SH2D3C: variants seen among roughly 807,000 people sequenced by gnomAD.
The protein encoded by SH2D3C is SH2 domain-containing protein 3C.
In SH2D3C, 25 loss-of-function variants were observed where a neutral mutation model predicts 75.2. That is an observed-to-expected ratio of 0.33 (90% CI 0.24 to 0.46). SH2D3C has a LOEUF of 0.46. Among genes scored for constraint, SH2D3C ranks in the 20% least tolerant of loss-of-function variants. The pLI is 1.00. For missense variants in SH2D3C, 933 were observed against 1,165.3 expected (o/e 0.80, Z 2.90); for synonymous variants, 450 against 473.7 (o/e 0.95, Z 0.65).
intron 2 of SH2D3C, chr9:127,771,423 G>C: frequency 7.9e-7 from 1 of 1,269,218 alleles, no homozygotes; most frequent in Non-Finnish European, 1.0e-6. Context: ...CGGCAGGGAA[G>C]GACGCTCTCC....
At position 127,744,923 on chromosome 9, in the gene SH2D3C, A is replaced by G. The variant is rs1844977957; in HGVS notation, c.1441T>C (p.Ser481Pro). Reference sequence around the variant, plus strand: ...TCACTGTAGCTGCTGAGTGATGGTGACGGGGAGGCCTTGCCAAGGGTGTGG... The same window carrying G: ...TCACTGTAGCTGCTGAGTGATGGTGGCGGGGAGGCCTTGCCAAGGGTGTGG... ...PSHTLGKASPSPSLSSYSDPD... is the reference protein window; with the variant it reads ...PSHTLGKASPPPSLSSYSDPD... Residue 481 changes from serine to proline, a missense_variant, in exon 7 of 12, where the codon TCA (serine) becomes CCA (proline). By Grantham distance (74) the Ser-to-Pro change is moderately conservative. Transcript: ENST00000314830. 2 of 1,600,006 alleles carry G rather than the reference A, an allele frequency of 1.3e-6. No individual in the cohort carries two copies. The highest frequency in any genetic ancestry group is 1.3e-5 in the African/African-American group (1 of 74,550).
At chr9:127,757,149 G>T (rs949064109) in intron 3 of SH2D3C, among the ~76,000 whole-genome samples, 1 of 149,392 alleles carries the variant, frequency 6.7e-6, no homozygotes, top group African/African-American at 2.5e-5. Context: ...CACCATGTTG[G>T]CCAGGCTGGT....
rs1272485957 is a variant in SH2D3C at position 127,754,059 on chromosome 9, G to A, written c.556-2759C>T. On this transcript the variant is annotated intron_variant, in intron 3 of 11. Coordinates refer to ENST00000314830, the MANE Select transcript of SH2D3C (RefSeq NM_170600.3). The surrounding 1 kb of genome is among the most constrained non-coding windows in gnomAD (Gnocchi z 4.4). ...ACACACCTGAGGGTGAGGAATCCTA[G>A]GGTCCCTGTGCCTTGATCTCACCTC... Among the ~76,000 whole-genome samples, 2 of 152,120 alleles carry A rather than the reference G, an allele frequency of 1.3e-5. No individual in the cohort carries two copies. Among genetic ancestry groups the A allele is most frequent in the Non-Finnish European group, 2.9e-5 (2 of 67,954 alleles).
At chr9:127,740,781 C>T (rs1844831510) in intron 9 of SH2D3C, among the ~76,000 whole-genome samples, 1 of 152,040 alleles carries the variant, frequency 6.6e-6, no homozygotes, top group South Asian at 2.1e-4. Context: ...CCTGGCTTCA[C>T]GCGATTCTCC....
At chr9:127,755,030 C>G in intron 3 of SH2D3C, 1 of 951,876 alleles carries the variant, frequency 1.1e-6, no homozygotes. Context: ...GCGGAGCGGC[C>G]GGGGGTCCCA....
chr9:127,767,381 T>C (rs1021653642), intron 2 of SH2D3C: 100 of 1,339,246 alleles, frequency 7.5e-5, no homozygotes, highest in Admixed American at 1.2e-4. Flanking sequence ...GCTTGTAACT[T>C]GACCCAGGGC....
At position 127,754,841 on chromosome 9, in the gene SH2D3C, T is replaced by A. The variant is rs754207626; in HGVS notation, c.556-3541A>T. On this transcript the variant is annotated intron_variant, in intron 3 of 11. Coordinates refer to ENST00000314830, the MANE Select transcript of SH2D3C (RefSeq NM_170600.3). This position sits in a 1 kb window ranked among gnomAD's most constrained non-coding sequence, Gnocchi z 4.4. ...CGGAGGAGGCAGAAACGGACCGGCA[T>A]CTACCGCAGCCCAGAGTCCCAGGAG... is the stretch of plus-strand genomic sequence containing the variant. The A allele has an allele frequency of 6.1e-6, 3 of 494,312 alleles. No homozygotes were observed. The highest frequency in any genetic ancestry group is 4.6e-5 in the South Asian group (3 of 64,702). The allele number at this position is 494,312 out of a possible 1,614,324, so 30.6% of individuals were successfully genotyped here.
At chr9:127,757,242 C>A (rs1374307348) in intron 3 of SH2D3C, among the ~76,000 whole-genome samples, 1 of 151,062 alleles carries the variant, frequency 6.6e-6, no homozygotes, top group Non-Finnish European at 1.5e-5. Flanking sequence ...TTTTGGAACC[C>A]AACTATTGAT....
intron 3 of SH2D3C, among the ~76,000 whole-genome samples, chr9:127,752,107 C>T (rs1415757813): frequency 6.6e-6 from 1 of 152,104 alleles, no homozygotes; most frequent in Non-Finnish European, 1.5e-5. Flanking sequence ...GGCCCAGAAA[C>T]TCCTGGTTTC....
intron 3 of SH2D3C, among the ~76,000 whole-genome samples, chr9:127,753,364 G>A (rs1216501573): frequency 1.3e-5 from 2 of 152,170 alleles, no homozygotes; most frequent in African/African-American, 4.8e-5. Context: ...ATTGGGACAT[G>A]CTCTGAGTGG....
intron 3 of SH2D3C, chr9:127,755,177 G>C (rs1240165066): frequency 2.5e-6 from 3 of 1,213,230 alleles, no homozygotes; most frequent in Non-Finnish European, 3.1e-6. Flanking sequence ...CCAGGCTGCC[G>C]GGGCCGGGAC....
chr9:127,759,586 T>G (rs545329901), intron 3 of SH2D3C, among the ~76,000 whole-genome samples: 88 of 152,294 alleles, frequency 5.8e-4, no homozygotes, highest in Admixed American at 1.1e-3. Context: ...TGGTCACTCG[T>G]GCTTGTATTC....
At chr9:127,773,418 C>T (rs1413894791) in intron 2 of SH2D3C, among the ~76,000 whole-genome samples, 1 of 152,056 alleles carries the variant, frequency 6.6e-6, no homozygotes, top group Non-Finnish European at 1.5e-5. Flanking sequence ...GGCAGGGGGT[C>T]TCGGTTCACA....
Position 127,751,099 on chromosome 9 carries a change from A to G in SH2D3C, c.684+73T>C, listed in dbSNP as rs1419401375. Reference sequence around the variant, plus strand: ...AGGTCAGAGCCTCCCAGGTGGCTGCAGCCAGGGCTGGGGCTGGCCAAGGCA... The same window carrying G: ...AGGTCAGAGCCTCCCAGGTGGCTGCGGCCAGGGCTGGGGCTGGCCAAGGCA... On this transcript the variant is annotated intron_variant, in intron 4 of 11. Coordinates refer to ENST00000314830, the MANE Select transcript of SH2D3C (RefSeq NM_170600.3). This position sits in a 1 kb window ranked among gnomAD's most constrained non-coding sequence, Gnocchi z 4.1. 6.6e-7 allele frequency: 1 copy of G among 1,509,890 alleles called. No homozygotes were observed. Among genetic ancestry groups the G allele is most frequent in the African/African-American group, 1.4e-5 (1 of 72,522 alleles). 93.5% of individuals were successfully genotyped at this position (1,509,890 alleles called of 1,614,324 possible). A position where few individuals can be genotyped will look rare whatever the true frequency, so the allele number is the denominator to read the frequency against.
intron 4 of SH2D3C, among the ~76,000 whole-genome samples, chr9:127,750,140 T>TTTA (rs1005620219): frequency 1.3e-5 from 2 of 150,376 alleles, no homozygotes; most frequent in African/African-American, 2.5e-5. Flanking sequence ...GATGAACTTC[T>TTTA]TTATTATTAT....
chr9:127,755,260 C>A (rs1845344153), intron 3 of SH2D3C: 1 of 1,139,604 alleles, frequency 8.8e-7, no homozygotes, highest in Non-Finnish European at 1.1e-6. Context: ...GCGCGTGCCT[C>A]TCAGCGGCGC....
chr9:127,759,603 C>T (rs1845476902), intron 3 of SH2D3C, among the ~76,000 whole-genome samples: 1 of 152,188 alleles, frequency 6.6e-6, no homozygotes, highest in South Asian at 2.1e-4. Flanking sequence ...ATTCCCAGCA[C>T]TTTGGGAGGC....
At chr9:127,742,381 C>A (rs930047205) in intron 8 of SH2D3C, among the ~76,000 whole-genome samples, 14 of 152,206 alleles carry the variant, frequency 9.2e-5, no homozygotes, top group Non-Finnish European at 1.3e-4. Context: ...GGATTACAGA[C>A]GCGCGCCACC....
At chr9:127,742,653 A>G in intron 8 of SH2D3C, 196 bp downstream of exon 8, 1 of 534,438 alleles carries the variant, frequency 1.9e-6, no homozygotes, top group Non-Finnish European at 3.3e-6. Flanking sequence ...ATGCGGAGAT[A>G]CAGGATTCAG....
Sources: gnomAD v4.1 joint callset for allele counts (sites outside exome capture counted in the v4.1 genomes callset) on GRCh38, gnomAD v4.1.1 for gene constraint, Gnocchi (gnomAD v3.1) non-coding constraint, MANE v1.5 for transcripts, NCBI Gene and HGNC (gene_info 2026-07-23, HGNC 2026-07-21) for gene names.